Variants in TENM2 observed in about 807,000 individuals in gnomAD.
TENM2 encodes the protein teneurin transmembrane protein 2, also known as teneurin-2.
A neutral mutation model predicts 245.2 loss-of-function variants in TENM2; 52 were observed. The observed-to-expected ratio is 0.21, with a 90% CI of 0.17 to 0.27. The LOEUF (loss-of-function observed/expected upper bound fraction) is 0.27. Ranked by LOEUF, TENM2 falls within the 10% of genes least tolerant of loss-of-function variation. The probability of loss-of-function intolerance (pLI) is 1.00; values close to 1 mark genes in which losing one functional copy is unlikely to be tolerated. For missense variants in TENM2, 3,046 were observed against 3,666.8 expected (o/e 0.83, Z 4.37); for synonymous variants, 1,363 against 1,438.9 (o/e 0.95, Z 1.19).
At chr5:167,568,591 G>T (rs920933776) in intron 2 of TENM2, among the ~76,000 whole-genome samples, 14 of 151,486 alleles carry the variant, frequency 9.2e-5, no homozygotes, top group African/African-American at 3.4e-4. Flanking sequence ...AGCACAGGCA[G>T]TTCTTTATCT....
chr5:168,165,694 A>AG (rs1315427891), intron 13 of TENM2, among the ~76,000 whole-genome samples: 1 of 132,632 alleles, frequency 7.5e-6, no homozygotes, highest in East Asian at 2.7e-4. Context: ...GTCCAAAGGC[A>AG]GGGCACAAAA....
chr5:167,067,170 G>T, the TENM2 span, among the ~76,000 whole-genome samples: 113 of 152,254 alleles, frequency 7.4e-4, no homozygotes, highest in African/African-American at 2.6e-3. Flanking sequence ...CAGGGAGAGG[G>T]TGCATATTTT....
chr5:168,080,795 A>G (rs1490061866), intron 7 of TENM2, among the ~76,000 whole-genome samples: 1 of 152,192 alleles, frequency 6.6e-6, no homozygotes, highest in Non-Finnish European at 1.5e-5. Context: ...GGTCTGAGAA[A>G]TAGTTTGTTA....
chr5:167,339,738 G>T (rs914138891), intron 1 of TENM2, among the ~76,000 whole-genome samples: 1 of 151,978 alleles, frequency 6.6e-6, no homozygotes, highest in Non-Finnish European at 1.5e-5. Flanking sequence ...CTTTTGAGAG[G>T]TGCTTACCCT....
the TENM2 span, among the ~76,000 whole-genome samples, chr5:167,165,882 G>A: frequency 6.6e-6 from 1 of 152,132 alleles, no homozygotes; most frequent in African/African-American, 2.4e-5. Context: ...GGGAGGACTG[G>A]GAAATTGTCT....
chr5:167,745,742 G>T (rs1191579349), intron 2 of TENM2, among the ~76,000 whole-genome samples: 1 of 152,094 alleles, frequency 6.6e-6, no homozygotes, highest in African/African-American at 2.4e-5. Flanking sequence ...AGGTTTCTGG[G>T]CATTGCTTAT....
At chr5:168,219,111 C>A in intron 23 of TENM2, 112 bp downstream of exon 25, 1 of 1,098,276 alleles carries the variant, frequency 9.1e-7, no homozygotes, top group Non-Finnish European at 1.3e-6. Context: ...GTCTTTCTAA[C>A]TTTAATGATG....
chr5:167,480,187 T>C (rs972644001), intron 2 of TENM2, among the ~76,000 whole-genome samples: 2 of 152,208 alleles, frequency 1.3e-5, no homozygotes, highest in African/African-American at 4.8e-5. Flanking sequence ...TTCTTTTCCA[T>C]CCCAGCCTAA....
the TENM2 span, among the ~76,000 whole-genome samples, chr5:167,045,595 A>T: frequency 2.0e-5 from 3 of 152,308 alleles, no homozygotes; most frequent in Admixed American, 2.0e-4. Context: ...ATTTCTTATG[A>T]GTGGCATCAT....
chr5:167,265,633 C>T, the TENM2 span, among the ~76,000 whole-genome samples: 1 of 152,084 alleles, frequency 6.6e-6, no homozygotes, highest in African/African-American at 2.4e-5. Context: ...GGTACTAGAA[C>T]TAGGGACTGG....
the TENM2 span, among the ~76,000 whole-genome samples, chr5:167,189,690 T>C: frequency 1.3e-5 from 2 of 151,980 alleles, no homozygotes; most frequent in African/African-American, 4.8e-5. Flanking sequence ...CACCCCAGCC[T>C]CCTGAGTAGC....
the TENM2 span, among the ~76,000 whole-genome samples, chr5:167,073,903 A>G: frequency 6.6e-6 from 1 of 152,312 alleles, no homozygotes; most frequent in East Asian, 1.9e-4. Flanking sequence ...TGGTCCCTGA[A>G]CTGGTGTTCT....
chr5:167,903,758 T>C lies in TENM2; in HGVS notation c.712+27563T>C, dbSNP rs540325236. ...CTGGGAGTTTCTCAGAAATGGAGAA[T>C]CCCAACCTTAGACCTTCTGAATTTT... On this transcript the variant is annotated intron_variant, in intron 3 of 28. Coordinates refer to ENST00000518659, the Ensembl canonical transcript of TENM2. Among the ~76,000 whole-genome samples, 4 of 152,196 alleles carry C rather than the reference T, an allele frequency of 2.6e-5. No individual in the cohort carries two copies. In the South Asian group the frequency reaches 8.3e-4, roughly 32 times the overall value.
At chr5:167,010,775 C>T in the TENM2 span, among the ~76,000 whole-genome samples, 1 of 152,048 alleles carries the variant, frequency 6.6e-6, no homozygotes, top group Non-Finnish European at 1.5e-5. Flanking sequence ...GGCACAAATT[C>T]TATGAACCTA....
intron 4 of TENM2, among the ~76,000 whole-genome samples, chr5:167,981,361 A>G (rs751206): frequency 0.22 from 33,644 of 152,202 alleles, 4,045 homozygotes; most frequent in Admixed American, 0.29. Flanking sequence ...TAACTGATAT[A>G]GGTGAAGCCT....
chr5:167,496,527 A>G (rs1768829890), intron 2 of TENM2, among the ~76,000 whole-genome samples: 1 of 152,090 alleles, frequency 6.6e-6, no homozygotes, highest in Non-Finnish European at 1.5e-5. Flanking sequence ...TTAAAAATTA[A>G]TGGCTGTTAC....
At chr5:167,220,140 C>A in the TENM2 span, among the ~76,000 whole-genome samples, 1 of 152,238 alleles carries the variant, frequency 6.6e-6, no homozygotes. Context: ...GGTACTGACA[C>A]CAACATTTGT....
chr5:167,545,616 A>T (rs1466515231), intron 2 of TENM2, among the ~76,000 whole-genome samples: 2 of 152,232 alleles, frequency 1.3e-5, no homozygotes, highest in African/African-American at 2.4e-5. Context: ...TAAAAAAGGC[A>T]TTAACAAAAA....
chr5:167,739,892 C>T (rs139217623), intron 2 of TENM2, among the ~76,000 whole-genome samples: 5 of 152,290 alleles, frequency 3.3e-5, no homozygotes, highest in South Asian at 4.1e-4. Flanking sequence ...AGTTTTCCAG[C>T]AATATGTGAT....
Sources: allele counts gnomAD v4.1 joint callset (sites outside exome capture counted in the v4.1 genomes callset), GRCh38; gene constraint gnomAD v4.1.1; transcripts MANE v1.5; gene names NCBI Gene and HGNC (gene_info 2026-07-23, HGNC 2026-07-21).